Variants in BTBD1 observed in about 807,000 individuals in gnomAD.
BTBD1 encodes BTB domain containing 1.
Under a neutral mutation model 48.0 loss-of-function variants are expected in BTBD1, and 34 were observed. That is an observed-to-expected ratio of 0.71 (90% CI 0.54 to 0.94). BTBD1 has a LOEUF of 0.94. BTBD1 is among the 40% of genes least tolerant of loss of function. BTBD1 has a pLI of 0.00. For missense variants in BTBD1, 543 were observed against 625.6 expected (o/e 0.87, Z 1.41); for synonymous variants, 261 against 242.1 (o/e 1.08, Z -0.72).
chr15:83,049,466 A>G (rs969564759), intron 3 of BTBD1, among the ~76,000 whole-genome samples: 3 of 152,206 alleles, frequency 2.0e-5, no homozygotes, highest in Admixed American at 1.3e-4. Context: ...TCCTCTGTCA[A>G]AATTTTCCTA....
At chr15:83,049,464 C>T (rs1024206811) in intron 3 of BTBD1, among the ~76,000 whole-genome samples, 1 of 152,168 alleles carries the variant, frequency 6.6e-6, no homozygotes, top group Admixed American at 6.5e-5. Flanking sequence ...CCTCCTCTGT[C>T]AAAATTTTCC....
chr15:83,045,818 C>G (rs764326820), intron 3 of BTBD1, among the ~76,000 whole-genome samples: 21 of 152,090 alleles, frequency 1.4e-4, no homozygotes, highest in Admixed American at 1.3e-4. Context: ...TTTGAACCTA[C>G]ATGTCTCCAC....
At chr15:83,021,399 G>A (rs1287786046) in intron 5 of BTBD1, among the ~76,000 whole-genome samples, 1 of 152,164 alleles carries the variant, frequency 6.6e-6, no homozygotes, top group Non-Finnish European at 1.5e-5. Context: ...GGTCATAATA[G>A]TTAAGAAATA....
chr15:83,056,686 C>CCCAG, intron 1 of BTBD1, 141 bp from the exon 2 acceptor site: 1 of 572,306 alleles, frequency 1.7e-6, no homozygotes, highest in Admixed American at 3.2e-5. Flanking sequence ...CACCCACCCA[C>CCCAG]CCAGCCATCC....
intron 5 of BTBD1, among the ~76,000 whole-genome samples, chr15:83,021,110 G>A (rs2032285382): frequency 6.6e-6 from 1 of 152,144 alleles, no homozygotes; most frequent in African/African-American, 2.4e-5. Flanking sequence ...CTCAAACTAC[G>A]ACAATTATCA....
intron 1 of BTBD1, among the ~76,000 whole-genome samples, chr15:83,059,169 C>A (rs1331089424): frequency 6.6e-6 from 1 of 152,136 alleles, no homozygotes; most frequent in Non-Finnish European, 1.5e-5. Flanking sequence ...ATTTGTGCAT[C>A]TCCTAAGCAG....
At chr15:83,047,401 C>G (rs1045510493) in intron 3 of BTBD1, among the ~76,000 whole-genome samples, 1 of 151,984 alleles carries the variant, frequency 6.6e-6, no homozygotes, top group Admixed American at 6.6e-5. Flanking sequence ...TCCTGGCCAG[C>G]GCATATGGGA....
rs747472366 is a variant in BTBD1, at chr15:83,056,562, A to G, written c.402-17T>C. 9.9e-6 allele frequency: 16 copies of G among 1,609,644 alleles called. No individual in the cohort carries two copies. The Admixed American group carries it at 1.8e-4, about 18-fold the overall frequency. On this transcript the variant is annotated splice_polypyrimidine_tract_variant and intron_variant, in intron 1 of 7. Coordinates refer to ENST00000261721, the MANE Select transcript of BTBD1 (RefSeq NM_025238.4). The stretch of plus-strand genomic sequence containing the variant: ...TATAGAAATCTGGAAAACAATTGGC[A>G]TATTTGCAGAGATGGTCAGTAATGT...
chr15:83,041,322 C>T (rs1055170299), intron 4 of BTBD1, among the ~76,000 whole-genome samples: 1 of 151,536 alleles, frequency 6.6e-6, no homozygotes, highest in Non-Finnish European at 1.5e-5. Flanking sequence ...GTGATTAGTA[C>T]TGAATAAAAG....
chr15:83,064,859 T>TCC (rs747131912), intron 1 of BTBD1, among the ~76,000 whole-genome samples: 2 of 151,118 alleles, frequency 1.3e-5, no homozygotes, highest in Admixed American at 6.6e-5. Flanking sequence ...GCTTTTGAGG[T>TCC]CCCCCCCCTT....
chr15:83,051,768 T>C (rs896287657), intron 2 of BTBD1, among the ~76,000 whole-genome samples: 10 of 151,974 alleles, frequency 6.6e-5, no homozygotes, highest in South Asian at 2.1e-4. Flanking sequence ...TTCAAATTTA[T>C]AGAAAAGTTG....
At chr15:83,060,631 T>C (rs9672199) in intron 1 of BTBD1, among the ~76,000 whole-genome samples, 415 of 151,860 alleles carry the variant, frequency 2.7e-3, no homozygotes, top group African/African-American at 9.1e-3. Context: ...CCATCTCTAC[T>C]AAAAATACAA....
intron 5 of BTBD1, among the ~76,000 whole-genome samples, chr15:83,023,129 T>A (rs1323486177): frequency 2.0e-5 from 3 of 152,184 alleles, no homozygotes; most frequent in Non-Finnish European, 2.9e-5. Flanking sequence ...ATATGTAATT[T>A]AAAAAATCAT....
Position 83,032,969 on chromosome 15 carries a change from CA to C in BTBD1, c.863-2642del, listed in dbSNP as rs56152195. ...GCTGGGTGACAGTCTTACTCTGTCT[CA>C]AAAAAAAAAAAAAAAAAACAGAATA... On this transcript the variant is annotated intron_variant, in intron 4 of 7. Coordinates refer to ENST00000261721, the MANE Select transcript of BTBD1 (RefSeq NM_025238.4). Among the ~76,000 whole-genome samples, 38 of 86,994 alleles carry C rather than the reference CA, an allele frequency of 4.4e-4. 1 individual carries two copies. Among genetic ancestry groups the C allele is most frequent in the East Asian group, 5.9e-4 (2 of 3,388 alleles). 57.1% of individuals were successfully genotyped at this position (86,994 alleles called of 152,430 possible).
At position 83,050,175 on chromosome 15, in the gene BTBD1, G is replaced by C; in HGVS notation, c.562C>G (p.Arg188Gly). The C allele has an allele frequency of 6.2e-7, 1 of 1,605,238 alleles. No homozygotes were observed. Among genetic ancestry groups the C allele is most frequent in the Non-Finnish European group, 8.5e-7 (1 of 1,173,246 alleles). The part of the protein sequence containing the change: ...DNAFMLLTQA[R>G]LFDEPQLASL... ...GCAAGCTGAGGTTCATCAAATAATCGAGCCTAAACATATAAAGAGATAGTT... is the reference window on the plus strand; with the variant it reads ...GCAAGCTGAGGTTCATCAAATAATCCAGCCTAAACATATAAAGAGATAGTT... The change falls in exon 3 of 8, where the codon CGA becomes GGA. Residue 188 changes from arginine (R) to glycine (G), a missense_variant. Arg to Gly is a moderately radical substitution (Grantham distance 125). Around this residue, in one of 3 missense-constraint regions of BTBD1, gnomAD observed 70 missense variants for 111.7 expected, o/e 0.63. Transcript: ENST00000261721.
intron 1 of BTBD1, among the ~76,000 whole-genome samples, chr15:83,066,150 T>A (rs1042192340): frequency 6.6e-6 from 1 of 151,652 alleles, no homozygotes; most frequent in Non-Finnish European, 1.5e-5. Flanking sequence ...ATAAAAAAAA[T>A]TAGCCGGGCG....
chr15:83,038,583 T>C (rs2032676261), intron 4 of BTBD1, among the ~76,000 whole-genome samples: 1 of 151,870 alleles, frequency 6.6e-6, no homozygotes, highest in Non-Finnish European at 1.5e-5. Context: ...AAAGCCTAAA[T>C]AGCCAAAGCA....
intron 4 of BTBD1, among the ~76,000 whole-genome samples, chr15:83,039,208 T>G (rs1270682814): frequency 6.7e-6 from 1 of 149,544 alleles, no homozygotes; most frequent in South Asian, 2.1e-4. Flanking sequence ...TCATAAAAAG[T>G]GGGCCAAAAA....
chr15:83,025,277 G>C (rs80199407), intron 5 of BTBD1, among the ~76,000 whole-genome samples: 328 of 140,066 alleles, frequency 2.3e-3, no homozygotes, highest in African/African-American at 8.2e-3. Context: ...ATAATTACTT[G>C]AACTCAGGAG....
Sources: allele counts gnomAD v4.1 joint callset (sites outside exome capture counted in the v4.1 genomes callset), GRCh38; gene constraint gnomAD v4.1.1; regional missense constraint gnomAD v4.1.1; transcripts MANE v1.5; gene names NCBI Gene and HGNC (gene_info 2026-07-23, HGNC 2026-07-21).